Variants in CHIC2 observed in about 807,000 individuals in gnomAD.
CHIC2 encodes cysteine-rich hydrophobic domain-containing protein 2.
Under a neutral mutation model 25.9 loss-of-function variants are expected in CHIC2, and 14 were observed. The observed-to-expected ratio is 0.54, with a 90% CI of 0.36 to 0.85. The LOEUF (loss-of-function observed/expected upper bound fraction) is 0.85. CHIC2 is among the 40% of genes least tolerant of loss of function. The pLI is 0.01. For synonymous variants in CHIC2, 70 were observed against 72.0 expected (o/e 0.97, Z 0.14); for missense variants, 146 against 202.0 (o/e 0.72, Z 1.68).
At chr4:54,042,937 T>C (rs2110079763) in intron 3 of CHIC2, among the ~76,000 whole-genome samples, 1 of 152,328 alleles carries the variant, frequency 6.6e-6, no homozygotes, top group Admixed American at 6.5e-5. Context: ...CAAAGAGAAT[T>C]TGATCATCCA....
At chr4:54,044,224 C>T (rs1202042159) in intron 3 of CHIC2, among the ~76,000 whole-genome samples, 2 of 152,162 alleles carry the variant, frequency 1.3e-5, no homozygotes, top group African/African-American at 4.8e-5. Flanking sequence ...ACCCCACTGT[C>T]AACATTAGAC....
At chr4:54,082,747 T>C in the CHIC2 span, among the ~76,000 whole-genome samples, 2 of 152,090 alleles carry the variant, frequency 1.3e-5, no homozygotes, top group African/African-American at 4.8e-5. Flanking sequence ...GGATTATCCC[T>C]AGATAGACTC....
chr4:54,048,768 A>C, intron 3 of CHIC2, 187 bp downstream of exon 3: 1 of 441,118 alleles, frequency 2.3e-6, no homozygotes, highest in Non-Finnish European at 4.0e-6. Context: ...TAATTTTTAG[A>C]TGGCTATTTA....
At chr4:54,069,076 T>C (rs1393955334), upstream of CHIC2, among the ~76,000 whole-genome samples, 1 of 152,192 alleles carries the variant, frequency 6.6e-6, no homozygotes, top group East Asian at 1.9e-4. Flanking sequence ...ATTTATTTAT[T>C]GAGACAGAGG....
At chr4:54,050,650 C>T (rs560383858) in intron 1 of CHIC2, among the ~76,000 whole-genome samples, 1 of 152,162 alleles carries the variant, frequency 6.6e-6, no homozygotes, top group East Asian at 1.9e-4. Context: ...TGTTTAGATA[C>T]ACAAAAACTT....
At chr4:54,016,896 C>T (rs775371684) in intron 3 of CHIC2, among the ~76,000 whole-genome samples, 93 of 145,576 alleles carry the variant, frequency 6.4e-4, no homozygotes, top group Non-Finnish European at 1.1e-3. Flanking sequence ...ACAACAAAAG[C>T]TCAAATTAAA....
At chr4:54,032,318 C>A (rs955325370) in intron 3 of CHIC2, among the ~76,000 whole-genome samples, 2 of 147,370 alleles carry the variant, frequency 1.4e-5, no homozygotes, top group African/African-American at 2.5e-5. Flanking sequence ...GATGCCGAGC[C>A]GAAGCTGGAC....
chr4:54,077,157 A>G, the CHIC2 span, among the ~76,000 whole-genome samples: 7 of 152,354 alleles, frequency 4.6e-5, no homozygotes, highest in East Asian at 1.4e-3. Context: ...TTTAATCAGG[A>G]TGGACAAAAT....
intron 3 of CHIC2, among the ~76,000 whole-genome samples, chr4:54,019,380 T>A (rs1715831860): frequency 6.6e-6 from 1 of 152,138 alleles, no homozygotes; most frequent in African/African-American, 2.4e-5. Flanking sequence ...CCCACTGAAG[T>A]ATCATGTGCT....
chr4:54,048,828 G>A, intron 3 of CHIC2, 127 bp downstream of exon 3: 1 of 745,938 alleles, frequency 1.3e-6, no homozygotes, highest in Non-Finnish European at 2.0e-6. Flanking sequence ...TCCTCTCCTG[G>A]ATCAGATTAT....
rs77757420 is a variant in CHIC2, at chr4:54,037,926, T to C, written c.330+11029A>G. Among the ~76,000 whole-genome samples the C allele has an allele frequency of 3.6e-3, 540 of 151,552 alleles. 5 individuals carry two copies. The highest frequency in any genetic ancestry group is 0.014 in the Middle Eastern group (4 of 288). On this transcript the variant is annotated intron_variant, in intron 3 of 5. Coordinates refer to ENST00000263921, the MANE Select transcript of CHIC2 (RefSeq NM_012110.4). ...AGAGGGAAAGAGCATTAAATGCTTA[T>C]ACAAGAAAAAAAGAAAAGACAAATC...
chr4:54,015,629 C>A (rs563760099), intron 3 of CHIC2, among the ~76,000 whole-genome samples: 1 of 152,106 alleles, frequency 6.6e-6, no homozygotes, highest in Non-Finnish European at 1.5e-5. Context: ...CGATTTGATT[C>A]TAATCGCACC....
intron 1 of CHIC2, among the ~76,000 whole-genome samples, chr4:54,053,328 A>C (rs1205520354): frequency 6.6e-6 from 1 of 152,172 alleles, no homozygotes; most frequent in Non-Finnish European, 1.5e-5. Context: ...AGGCCAAGGC[A>C]GGTGGATCAC....
chr4:54,073,881 G>A, the CHIC2 span, among the ~76,000 whole-genome samples: 1 of 152,144 alleles, frequency 6.6e-6, no homozygotes, highest in South Asian at 2.1e-4. Context: ...TTTAGACCGG[G>A]CGCAGTGGCT....
At chr4:54,076,744 G>C in the CHIC2 span, 1 of 152,200 alleles carries the variant, frequency 6.6e-6, no homozygotes, top group African/African-American at 2.4e-5. Context: ...AGTTTACATT[G>C]CTGAACCAAG....
At chr4:54,022,769 A>AC (rs970663742) in intron 3 of CHIC2, among the ~76,000 whole-genome samples, 1 of 151,688 alleles carries the variant, frequency 6.6e-6, no homozygotes, top group Admixed American at 6.6e-5. Flanking sequence ...AAACCTAATC[A>AC]CCCTTACCCC....
upstream of CHIC2, among the ~76,000 whole-genome samples, chr4:54,068,882 A>G (rs1382025661): frequency 6.6e-6 from 1 of 152,220 alleles, no homozygotes; most frequent in Non-Finnish European, 1.5e-5. Context: ...CTGACCAGCT[A>G]TAAATTGGGG....
chr4:54,021,193 C>G (rs137938106), intron 3 of CHIC2, among the ~76,000 whole-genome samples: 14 of 152,268 alleles, frequency 9.2e-5, no homozygotes, highest in African/African-American at 3.1e-4. Flanking sequence ...AATACAAACT[C>G]GATAATGGTT....
At chr4:54,035,922 G>A (rs1403796411) in intron 3 of CHIC2, among the ~76,000 whole-genome samples, 1 of 152,028 alleles carries the variant, frequency 6.6e-6, no homozygotes, top group African/African-American at 2.4e-5. Flanking sequence ...AATTCATTCT[G>A]CTTTTAAATT....
Sources: gnomAD v4.1 joint callset for allele counts (sites outside exome capture counted in the v4.1 genomes callset) on GRCh38, gnomAD v4.1.1 for gene constraint, MANE v1.5 for transcripts, NCBI Gene and HGNC (gene_info 2026-07-23, HGNC 2026-07-21) for gene names.